Variants in RAP1A observed in about 807,000 individuals in gnomAD.
The protein encoded by RAP1A is RAP1A, member of RAS oncogene family.
Under a neutral mutation model 26.4 loss-of-function variants are expected in RAP1A, and 6 were observed. That is an observed-to-expected ratio of 0.23 (90% CI 0.12 to 0.45). The LOEUF is 0.45. RAP1A is among the 20% of genes least tolerant of loss of function. The probability of loss-of-function intolerance (pLI) is 0.99; values close to 1 mark genes in which losing one functional copy is unlikely to be tolerated. For synonymous variants in RAP1A, 73 were observed against 79.4 expected (o/e 0.92, Z 0.43); for missense variants, 121 against 217.2 (o/e 0.56, Z 2.78).
At chr1:111,670,253 C>G (rs1328572640) in intron 1 of RAP1A, among the ~76,000 whole-genome samples, 1 of 152,106 alleles carries the variant, frequency 6.6e-6, no homozygotes, top group African/African-American at 2.4e-5. Context: ...GGGCAGATAG[C>G]TTGAGCCTAG....
intron 1 of RAP1A, among the ~76,000 whole-genome samples, chr1:111,660,550 C>G (rs1313993555): frequency 6.6e-6 from 1 of 152,192 alleles, no homozygotes; most frequent in African/African-American, 2.4e-5. Flanking sequence ...ACTACCTGCA[C>G]TGCTACTCCT....
At chr1:111,547,381 T>C (rs1474224311) in intron 1 of RAP1A, among the ~76,000 whole-genome samples, 1 of 152,116 alleles carries the variant, frequency 6.6e-6, no homozygotes, top group Non-Finnish European at 1.5e-5. Flanking sequence ...ATTAATATTA[T>C]ATTGATTAAT....
intron 1 of RAP1A, among the ~76,000 whole-genome samples, chr1:111,653,407 C>T (rs577189053): frequency 1.3e-5 from 2 of 152,018 alleles, no homozygotes; most frequent in Non-Finnish European, 2.9e-5. Context: ...GTGGGCCAGG[C>T]GCGGTGGCTC....
chr1:111,680,385 TG>T (rs1661254394), intron 1 of RAP1A, among the ~76,000 whole-genome samples: 1 of 152,200 alleles, frequency 6.6e-6, no homozygotes, highest in Non-Finnish European at 1.5e-5. Flanking sequence ...TACAGAATGC[TG>T]GTTGGTGCAT....
chr1:111,648,566 G>A (rs1660154578), intron 1 of RAP1A: 2 of 557,254 alleles, frequency 3.6e-6, no homozygotes, highest in Non-Finnish European at 6.8e-6. Flanking sequence ...GCAGGATCCC[G>A]TTTAGCTGCT....
chr1:111,589,145 A>G (rs1052712242), intron 1 of RAP1A, among the ~76,000 whole-genome samples: 6 of 152,228 alleles, frequency 3.9e-5, no homozygotes, highest in African/African-American at 1.4e-4. Flanking sequence ...TGAAGAAACT[A>G]ATTTATTAGT....
intron 3 of RAP1A, among the ~76,000 whole-genome samples, chr1:111,696,120 G>A (rs930646655): frequency 6.6e-6 from 1 of 152,064 alleles, no homozygotes; most frequent in Non-Finnish European, 1.5e-5. Flanking sequence ...AAAAAAATTA[G>A]GTACTTGGTC....
chr1:111,573,491 T>A (rs1034130662), intron 1 of RAP1A, among the ~76,000 whole-genome samples: 1 of 152,168 alleles, frequency 6.6e-6, no homozygotes, highest in African/African-American at 2.4e-5. Context: ...TGCGCCACAA[T>A]GCCTGGCTAA....
At chr1:111,607,166 C>T (rs994610588) in intron 1 of RAP1A, among the ~76,000 whole-genome samples, 2 of 151,060 alleles carry the variant, frequency 1.3e-5, no homozygotes, top group African/African-American at 4.9e-5. Flanking sequence ...GAGGACCCTG[C>T]GGCCTTCCGC....
At chr1:111,640,908 G>A (rs774466737) in intron 1 of RAP1A, among the ~76,000 whole-genome samples, 1 of 152,164 alleles carries the variant, frequency 6.6e-6, no homozygotes, top group African/African-American at 2.4e-5. Flanking sequence ...AGGCTGCAGT[G>A]AGCCATGATT....
At chr1:111,573,903 CT>C (rs1658097104) in intron 1 of RAP1A, among the ~76,000 whole-genome samples, 1 of 151,912 alleles carries the variant, frequency 6.6e-6, no homozygotes, top group Admixed American at 6.6e-5. Flanking sequence ...CCATTCTATA[CT>C]TTGTCTGTTT....
At chr1:111,648,990 A>G in intron 1 of RAP1A, 1 of 628,030 alleles carries the variant, frequency 1.6e-6, no homozygotes, top group Non-Finnish European at 3.0e-6. Flanking sequence ...CTTCAGCTGC[A>G]GCCAAGTGAC....
intron 1 of RAP1A, chr1:111,649,208 C>T (rs562544760): frequency 8.6e-5 from 43 of 502,798 alleles, no homozygotes; most frequent in Non-Finnish European, 1.6e-4. Context: ...GGCCCCAGTC[C>T]CTGAGCTGGG....
intron 1 of RAP1A, among the ~76,000 whole-genome samples, chr1:111,681,758 C>T (rs1661302906): frequency 6.6e-6 from 1 of 152,174 alleles, no homozygotes; most frequent in African/African-American, 2.4e-5. Context: ...GAGAATGGAA[C>T]CAAGTTGGAA....
chr1:111,602,820 T>C (rs1658697655), intron 1 of RAP1A, among the ~76,000 whole-genome samples: 1 of 152,228 alleles, frequency 6.6e-6, no homozygotes, highest in Admixed American at 6.5e-5. Context: ...ATCTACACGT[T>C]ATGCCCCTTT....
intron 1 of RAP1A, among the ~76,000 whole-genome samples, chr1:111,546,919 C>T (rs768855184): frequency 2.6e-5 from 4 of 152,110 alleles, no homozygotes; most frequent in Admixed American, 6.5e-5. Flanking sequence ...TTCTCCATAT[C>T]GTCACCAACA....
chr1:111,607,892 C>T (rs1658830312), intron 1 of RAP1A, among the ~76,000 whole-genome samples: 1 of 132,406 alleles, frequency 7.6e-6, no homozygotes, highest in South Asian at 2.4e-4. Context: ...CCCTCCCGGA[C>T]GGGGCGGCTG....
chr1:111,682,878 T>C (rs1055075615), intron 1 of RAP1A, among the ~76,000 whole-genome samples: 35 of 152,336 alleles, frequency 2.3e-4, no homozygotes, highest in African/African-American at 8.2e-4. Flanking sequence ...TACATTCTTC[T>C]CAGCACCACA....
At chr1:111,652,155 G>A (rs1024202405) in intron 1 of RAP1A, among the ~76,000 whole-genome samples, 3 of 152,008 alleles carry the variant, frequency 2.0e-5, no homozygotes, top group African/African-American at 4.8e-5. Context: ...TGTATTTTTA[G>A]TAGAGACCAG....
Sources: allele counts gnomAD v4.1 joint callset (sites outside exome capture counted in the v4.1 genomes callset), GRCh38; gene constraint gnomAD v4.1.1; transcripts MANE v1.5; gene names NCBI Gene and HGNC (gene_info 2026-07-23, HGNC 2026-07-21).